EBF2: variants seen among roughly 807,000 people sequenced by gnomAD.
EBF2 encodes EBF transcription factor 2, also known as transcription factor COE2.
In EBF2, 21 loss-of-function variants were observed where a neutral mutation model predicts 72.8. The observed-to-expected ratio is 0.29, with a 90% confidence interval of 0.20 to 0.42. EBF2 has a LOEUF of 0.42. Among genes scored for constraint, EBF2 ranks in the 10% least tolerant of loss-of-function variants. EBF2 has a pLI of 1.00. For synonymous variants in EBF2, 299 were observed against 274.2 expected (o/e 1.09, Z -0.89); for missense variants, 637 against 731.2 (o/e 0.87, Z 1.49).
chr8:26,040,803 A>C, intron 3 of EBF2, 132 bp from the exon 4 acceptor site: 1 of 1,477,038 alleles, frequency 6.8e-7, no homozygotes, highest in Non-Finnish European at 9.2e-7. Context: ...GTGACCTCCC[A>C]ATCCCCTGTC....
chr8:25,952,018 T>C (rs1000896905), intron 6 of EBF2, among the ~76,000 whole-genome samples: 4 of 152,204 alleles, frequency 2.6e-5, no homozygotes, highest in Non-Finnish European at 5.9e-5. Context: ...AAAGACCAGG[T>C]ACACTGGCTC....
chr8:25,865,126 T>A (rs1329559833), intron 10 of EBF2, among the ~76,000 whole-genome samples: 1 of 152,100 alleles, frequency 6.6e-6, no homozygotes, highest in African/African-American at 2.4e-5. Context: ...ATCCATTTAT[T>A]CTTTCCAGTT....
intron 6 of EBF2, among the ~76,000 whole-genome samples, chr8:25,968,595 T>A (rs1453071425): frequency 6.6e-6 from 1 of 152,198 alleles, no homozygotes; most frequent in Non-Finnish European, 1.5e-5. Flanking sequence ...GGATTCTCAC[T>A]TTGTTGCCCA....
At chr8:25,924,186 G>T (rs1218357166) in intron 6 of EBF2, among the ~76,000 whole-genome samples, 1 of 152,158 alleles carries the variant, frequency 6.6e-6, no homozygotes, top group Non-Finnish European at 1.5e-5. Context: ...TATCTTCCCT[G>T]TAAAATTGGG....
At chr8:25,958,739 A>G (rs1294353284) in intron 6 of EBF2, among the ~76,000 whole-genome samples, 2 of 152,194 alleles carry the variant, frequency 1.3e-5, no homozygotes, top group South Asian at 2.1e-4. Context: ...ACCTAACGAC[A>G]GTTGCCAGTA....
Position 25,858,448 on chromosome 8 carries a change from G to A in EBF2, c.1399C>T (p.Pro467Ser). 6.2e-7 allele frequency: 1 copy of A among 1,614,086 alleles called. No homozygotes were observed. The highest frequency in any genetic ancestry group is 8.5e-7 in the Non-Finnish European group (1 of 1,180,008). ...SPRGYSSSSTPQQSNYSTSSN... is the reference protein window; with the variant it reads ...SPRGYSSSSTSQQSNYSTSSN... Reference sequence around the variant, plus strand: ...GAGGTACTGTAATTAGACTGTTGAGGCGTGGAGCTGGAAGAGTATCCCCGC... The same window carrying A: ...GAGGTACTGTAATTAGACTGTTGAGACGTGGAGCTGGAAGAGTATCCCCGC... The change falls in exon 14 of 16, where the codon CCT becomes TCT. Residue 467 changes from proline to serine, a missense_variant. By Grantham distance (74) the Pro-to-Ser change is moderately conservative (BLOSUM62 -1). This residue lies in a region of EBF2 where 259 missense variants were observed against 268.1 expected (regional missense o/e 0.97). Coordinates refer to ENST00000520164, the MANE Select transcript of EBF2 (RefSeq NM_022659.4).
chr8:26,030,599 CCAAA>C (rs1170147268), intron 6 of EBF2, among the ~76,000 whole-genome samples: 1 of 152,048 alleles, frequency 6.6e-6, no homozygotes, highest in Non-Finnish European at 1.5e-5. Context: ...AATAAGCAAG[CCAAA>C]CAAATGGATC....
intron 10 of EBF2, among the ~76,000 whole-genome samples, chr8:25,870,830 C>T (rs2117273140): frequency 6.6e-6 from 1 of 152,070 alleles, no homozygotes; most frequent in Middle Eastern, 3.4e-3. Context: ...TGGCAGGTCC[C>T]TGCCAGACTT....
intron 15 of EBF2, among the ~76,000 whole-genome samples, chr8:25,849,712 G>A (rs771477514): frequency 1.3e-5 from 2 of 152,068 alleles, no homozygotes; most frequent in Non-Finnish European, 2.9e-5. Flanking sequence ...TTTGTGTTAT[G>A]TCATGCCATA....
chr8:25,901,502 G>T (rs893303913), intron 7 of EBF2, among the ~76,000 whole-genome samples: 2 of 151,504 alleles, frequency 1.3e-5, no homozygotes, highest in African/African-American at 4.8e-5. Context: ...TACTACATCT[G>T]AAACGACCTA....
chr8:26,034,718 T>G (rs1166706230), intron 5 of EBF2, among the ~76,000 whole-genome samples: 4 of 152,236 alleles, frequency 2.6e-5, no homozygotes, highest in African/African-American at 9.6e-5. Context: ...GATGTAGCCT[T>G]GACATGGCTT....
rs1284495310 is a variant in EBF2, at chr8:25,843,483, T to C, written c.*1126A>G. The C allele has an allele frequency of 1.3e-5, 2 of 151,108 alleles. No individual in the cohort carries two copies. Among genetic ancestry groups the C allele is most frequent in the African/African-American group, 4.9e-5 (2 of 41,030 alleles). The allele number at this position is 151,108 out of a possible 1,614,324, so 9.4% of individuals were successfully genotyped here. ...AACCAGGCACCCAAAGCGGAGGGAG[T>C]GGTGGGGTTCTGGTGAGGAGGAATT... On this transcript the variant is annotated 3_prime_UTR_variant, in exon 16 of 16. Transcript: ENST00000520164.
In EBF2 at chr8:26,045,189, G is replaced by C. The variant is rs1468846928; in HGVS notation, c.-330C>G. 5.5e-6 allele frequency: 1 copy of C among 182,288 alleles called. No homozygotes were observed. Among genetic ancestry groups the C allele is most frequent in the Admixed American group, 6.0e-5 (1 of 16,692 alleles). The allele number at this position is 182,288 out of a possible 1,614,324, so 11.3% of individuals were successfully genotyped here. ...CAATTTAGAAGCATCACCTGTTCTG[G>C]GAGAAACTGGAGGAAATTGATGGCT... On this transcript the variant is annotated 5_prime_UTR_variant, in exon 1 of 16. Transcript: ENST00000520164.
At chr8:25,909,500 C>T (rs1429098693) in intron 6 of EBF2, among the ~76,000 whole-genome samples, 1 of 151,942 alleles carries the variant, frequency 6.6e-6, no homozygotes, top group African/African-American at 2.4e-5. Flanking sequence ...AATTTTACCG[C>T]AGTCCCAAAG....
At chr8:26,004,673 CAA>C (rs56848916) in intron 6 of EBF2, among the ~76,000 whole-genome samples, 899 of 45,402 alleles carry the variant, frequency 0.02, 4 homozygotes, top group South Asian at 0.039. Context: ...AGACTGTCTC[CAA>C]AAAAAAAAAA....
intron 6 of EBF2, among the ~76,000 whole-genome samples, chr8:26,029,595 CTGAGCCAGAG>C (rs1468428865): frequency 6.6e-6 from 1 of 152,290 alleles, no homozygotes; most frequent in South Asian, 2.1e-4. Flanking sequence ...CAGACTTCTT[CTGAGCCAGAG>C]TGGAGTGTGC....
chr8:25,876,635 T>C (rs2117278866), intron 10 of EBF2, among the ~76,000 whole-genome samples: 1 of 152,266 alleles, frequency 6.6e-6, no homozygotes, highest in East Asian at 1.9e-4. Context: ...ATCTGCCAAG[T>C]AAAACAAGAC....
chr8:26,042,777 A>G (rs1805627105), intron 1 of EBF2, among the ~76,000 whole-genome samples: 2 of 152,162 alleles, frequency 1.3e-5, no homozygotes, highest in Admixed American at 1.3e-4. Flanking sequence ...ACAACGCCCA[A>G]ATGCTGACTG....
intron 10 of EBF2, among the ~76,000 whole-genome samples, chr8:25,880,115 C>G (rs942734014): frequency 2.0e-5 from 3 of 152,146 alleles, no homozygotes; most frequent in African/African-American, 7.2e-5. Flanking sequence ...TAGCAGTTAA[C>G]AAACAGTAGG....
Sources: gnomAD v4.1 joint callset for allele counts (sites outside exome capture counted in the v4.1 genomes callset) on GRCh38, gnomAD v4.1.1 for gene constraint, gnomAD v4.1.1 regional missense constraint, MANE v1.5 for transcripts, NCBI Gene and HGNC (gene_info 2026-07-23, HGNC 2026-07-21) for gene names.